Variants in CDC42BPB observed in about 807,000 individuals in gnomAD.
CDC42BPB encodes the protein serine/threonine-protein kinase MRCK beta.
Under a neutral mutation model 214.9 loss-of-function variants are expected in CDC42BPB, and 37 were observed. The observed-to-expected ratio is 0.17, with a 90% CI of 0.13 to 0.23. The LOEUF is 0.23. Ranked by LOEUF, CDC42BPB falls within the 10% of genes least tolerant of loss-of-function variation. The pLI is 1.00. For synonymous variants in CDC42BPB, 931 were observed against 884.0 expected, an observed-to-expected ratio of 1.05 and a Z score of -0.94; for missense variants, 1,694 against 2,227.0, an observed-to-expected ratio of 0.76 and a Z score of 4.82.
chr14:103,039,998 G>C (rs1378312668), intron 1 of CDC42BPB, among the ~76,000 whole-genome samples: 1 of 152,168 alleles, frequency 6.6e-6, no homozygotes, highest in Non-Finnish European at 1.5e-5. Context: ...ATTTAAGAAA[G>C]TAAGTGCAAC....
At chr14:103,030,868 T>G (rs1045122625) in intron 1 of CDC42BPB, among the ~76,000 whole-genome samples, 10 of 151,776 alleles carry the variant, frequency 6.6e-5, no homozygotes, top group African/African-American at 1.9e-4. Flanking sequence ...GCACCTACAG[T>G]CCCAGCTACT....
At position 102,932,614 on chromosome 14, in the gene CDC42BPB, C is replaced by G. The variant is rs1343264091; in HGVS notation, c.*1098G>C. On this transcript the variant is annotated 3_prime_UTR_variant, in exon 37 of 37. Transcript: ENST00000361246. ...GCACGTCCTGAACAGCCTTGCCAAG[C>G]AGCCGACCGGTGGGAGGACAGGGGA... 6.6e-6 allele frequency: 1 copy of G among 152,412 alleles called. No homozygotes were observed. The highest frequency in any genetic ancestry group is 1.5e-5 in the Non-Finnish European group (1 of 68,032). The allele number at this position is 152,412 out of a possible 1,614,324, so 9.4% of individuals were successfully genotyped here.
At chr14:102,992,057 C>A (rs758749525) in intron 5 of CDC42BPB, among the ~76,000 whole-genome samples, 12 of 152,104 alleles carry the variant, frequency 7.9e-5, no homozygotes, top group Non-Finnish European at 1.0e-4. Context: ...TTGAGCAGTG[C>A]ACATCTAGAA....
At chr14:103,053,008 T>A (rs1421159606) in intron 1 of CDC42BPB, among the ~76,000 whole-genome samples, 1 of 152,248 alleles carries the variant, frequency 6.6e-6, no homozygotes, top group Non-Finnish European at 1.5e-5. Context: ...GTGTTTCATA[T>A]GTTCTGCTTC....
rs769333187 is a variant in CDC42BPB, at chr14:102,954,274, T to A, written c.2990A>T (p.Asp997Val). Reference protein sequence around the residue: ...MSVAASEQQEDMARPPQRPSA... With the variant: ...MSVAASEQQEVMARPPQRPSA... ...TGGCCTCTGCGGGGGCCGAGCCATGTCCTGGGAGACAAGCAGGACAGGTGA... is the reference window on the plus strand; with the variant it reads ...TGGCCTCTGCGGGGGCCGAGCCATGACCTGGGAGACAAGCAGGACAGGTGA... Residue 997 changes from aspartate (D) to valine (V), a missense_variant and splice_region_variant, in exon 23 of 37, where the codon GAC becomes GTC. Physicochemically the swap from Asp to Val is radical, Grantham distance 152. This residue lies in a region of CDC42BPB where 156 missense variants were observed against 154.5 expected (regional missense o/e 1.01). Coordinates refer to ENST00000361246, the MANE Select transcript of CDC42BPB (RefSeq NM_006035.4). The A allele has an allele frequency of 3.3e-6, 5 of 1,525,858 alleles. No homozygotes were observed. Among genetic ancestry groups the A allele is most frequent in the African/African-American group, 1.4e-5 (1 of 71,594 alleles). 94.5% of individuals were successfully genotyped at this position (1,525,858 alleles called of 1,614,324 possible).
chr14:102,954,477 C>T, intron 22 of CDC42BPB, 125 bp downstream of exon 22: 1 of 1,393,792 alleles, frequency 7.2e-7, no homozygotes, highest in Non-Finnish European at 9.5e-7. Context: ...GAAAGGTGGG[C>T]TTGAGCACCT....
At chr14:102,937,976 C>A in intron 36 of CDC42BPB, 128 bp downstream of exon 36, 1 of 972,766 alleles carries the variant, frequency 1.0e-6, no homozygotes, top group Admixed American at 1.7e-5. Context: ...CTGCCCCCGT[C>A]ACCCTCACAC....
chr14:102,980,713 C>T, intron 8 of CDC42BPB, 60 bp downstream of exon 8: 1 of 1,530,634 alleles, frequency 6.5e-7, no homozygotes, highest in Non-Finnish European at 9.0e-7. Context: ...ACGCCCTCAA[C>T]ACAGCACTGC....
intron 8 of CDC42BPB, among the ~76,000 whole-genome samples, chr14:102,979,456 C>T (rs1375898278): frequency 6.6e-6 from 1 of 152,150 alleles, no homozygotes; most frequent in African/African-American, 2.4e-5. Context: ...AGGTGATCCG[C>T]CCACCTCAGC....
intron 3 of CDC42BPB, among the ~76,000 whole-genome samples, chr14:103,007,664 G>A (rs1239385739): frequency 6.6e-6 from 1 of 152,246 alleles, no homozygotes; most frequent in Non-Finnish European, 1.5e-5. Flanking sequence ...GGGCGGGTCA[G>A]AGACACACGG....
chr14:103,020,149 CTGTT>C lies in CDC42BPB; in HGVS notation c.176-7965_176-7962del, dbSNP rs34129995. Among the ~76,000 whole-genome samples, 28 of 152,350 alleles carry C rather than the reference CTGTT, an allele frequency of 1.8e-4. 1 individual carries two copies. In the East Asian group the frequency reaches 5.2e-3, roughly 28 times the overall value. The stretch of plus-strand genomic sequence containing the variant: ...GTTCTGTTCATCCGTGCCACCCTGA[CTGTT>C]TGGGCCTCAGCTGCTTTGTGGCCAC... On this transcript the variant is annotated intron_variant, in intron 1 of 36. Coordinates refer to ENST00000361246, the MANE Select transcript of CDC42BPB (RefSeq NM_006035.4).
intron 4 of CDC42BPB, among the ~76,000 whole-genome samples, chr14:103,003,018 C>T (rs1895061506): frequency 6.6e-6 from 1 of 152,112 alleles, no homozygotes; most frequent in African/African-American, 2.4e-5. Context: ...GAGCGCACAA[C>T]CCAGGAGCTT....
chr14:102,953,703 G>A (rs778821355), intron 23 of CDC42BPB, among the ~76,000 whole-genome samples: 4 of 152,230 alleles, frequency 2.6e-5, no homozygotes, highest in Admixed American at 2.0e-4. Flanking sequence ...AGGGGAGCAG[G>A]GGCCCAGTGG....
intron 11 of CDC42BPB, chr14:102,974,371 C>A: frequency 1.0e-6 from 1 of 984,720 alleles, no homozygotes. Context: ...GCTCCCTAGA[C>A]TTTACTCTGA....
In CDC42BPB at chr14:103,025,689, A is replaced by T. The variant is rs187263121; in HGVS notation, c.176-13501T>A. Among the ~76,000 whole-genome samples the T allele has an allele frequency of 3.0e-4, 46 of 151,820 alleles. No individual in the cohort carries two copies. In the East Asian group the frequency reaches 8.6e-3, roughly 28 times the overall value. On this transcript the variant is annotated intron_variant, in intron 1 of 36. Coordinates refer to ENST00000361246, the MANE Select transcript of CDC42BPB (RefSeq NM_006035.4). ...AAAAATTAGCCAGGCGTGGTGGCACATGCCTATAGTCCCAGCTACTAGGGA... is the reference window on the plus strand; with the variant it reads ...AAAAATTAGCCAGGCGTGGTGGCACTTGCCTATAGTCCCAGCTACTAGGGA...
Position 102,959,707 on chromosome 14 carries a change from AG to A in CDC42BPB, c.2824del (p.Leu942SerfsTer23). On this transcript the variant is annotated frameshift_variant and splice_region_variant, in exon 21 of 37. Transcript: ENST00000361246. LOFTEE classifies it high-confidence loss of function. ...GGAATCCTGAAAATCTGGAAGTTTG[AG>A]CCCTGCAAAAAGAAACAAAGAATAG... ...MEEKFRADTG[L>X]KLPDFQDSIF... The A allele has an allele frequency of 6.2e-7, 1 of 1,610,822 alleles. No individual in the cohort carries two copies.
chr14:102,944,136 A>G lies in CDC42BPB; in HGVS notation c.4163T>C (p.Val1388Ala), dbSNP rs1167686182. The change falls in exon 30 of 37, where the codon GTG becomes GCG. Residue 1388 changes from valine to alanine, a missense_variant. Val to Ala is a moderately conservative substitution (Grantham distance 64, BLOSUM62 0). Transcript: ENST00000361246. This position sits in a 1 kb window ranked among gnomAD's most constrained non-coding sequence, Gnocchi z 6.6. ...CLAVLRDRLC[V>A]GYPSGFCLLS... ...CAGGCAGAACCCAGAAGGGTAGCCCACACAGAGCCTGTCCCTGAGCACCGC... is the reference window on the plus strand; with the variant it reads ...CAGGCAGAACCCAGAAGGGTAGCCCGCACAGAGCCTGTCCCTGAGCACCGC... 1 of 1,613,104 alleles carries G rather than the reference A, an allele frequency of 6.2e-7. No individual in the cohort carries two copies. Among genetic ancestry groups the G allele is most frequent in the Non-Finnish European group, 8.5e-7 (1 of 1,180,004 alleles).
intron 13 of CDC42BPB, among the ~76,000 whole-genome samples, chr14:102,970,711 C>T (rs996770363): frequency 1.3e-5 from 2 of 152,224 alleles, no homozygotes; most frequent in Non-Finnish European, 2.9e-5. Flanking sequence ...CCAAACCACT[C>T]GAGGGCAATC....
chr14:102,992,554 C>T (rs1324883753), intron 5 of CDC42BPB, among the ~76,000 whole-genome samples: 1 of 152,130 alleles, frequency 6.6e-6, no homozygotes, highest in Non-Finnish European at 1.5e-5. Flanking sequence ...AGTGACATCA[C>T]GAATGCCAGC....
Sources: gnomAD v4.1 joint callset for allele counts (sites outside exome capture counted in the v4.1 genomes callset) on GRCh38, gnomAD v4.1.1 for gene constraint, gnomAD v4.1.1 regional missense constraint, Gnocchi (gnomAD v3.1) non-coding constraint, MANE v1.5 for transcripts, NCBI Gene and HGNC (gene_info 2026-07-23, HGNC 2026-07-21) for gene names.